Variants in EVC2 observed in about 807,000 individuals in gnomAD.
The protein encoded by EVC2 is limbin.
A neutral mutation model predicts 149.3 loss-of-function variants in EVC2; 148 were observed. That is an observed-to-expected ratio of 0.99 (90% CI 0.87 to 1.14). EVC2 has a LOEUF of 1.14. EVC2 is among the 50% of genes most tolerant of loss of function. The probability of loss-of-function intolerance (pLI) is 0.00; values close to 1 mark genes in which losing one functional copy is unlikely to be tolerated. For missense variants in EVC2, 1,854 were observed against 1,627.3 expected (o/e 1.14, Z -2.40); for synonymous variants, 776 against 649.9 (o/e 1.19, Z -2.95).
At chr4:5,599,038 T>C (rs1190510806) in intron 16 of EVC2, among the ~76,000 whole-genome samples, 1 of 152,012 alleles carries the variant, frequency 6.6e-6, no homozygotes, top group Non-Finnish European at 1.5e-5. Flanking sequence ...CTCACACCAG[T>C]TAGAATGGCA....
chr4:5,686,558 T>A lies in EVC2; in HGVS notation c.707-1079A>T, dbSNP rs7666141. 0.15 allele frequency among the ~76,000 whole-genome samples: 22,483 copies of A among 152,076 alleles called. 1,994 individuals carry two copies. The highest frequency in any genetic ancestry group is 0.25 in the African/African-American group (10,303 of 41,460). On this transcript the variant is annotated intron_variant, in intron 5 of 21. Coordinates refer to ENST00000344408, the MANE Select transcript of EVC2 (RefSeq NM_147127.5). The surrounding 1 kb of genome is among the most constrained non-coding windows in gnomAD (Gnocchi z 5.4). ...GAGATGGATGGAGAACACGTGATTTTCTGCAACATACAGAAGAAGAAACTG... is the reference window on the plus strand; with the variant it reads ...GAGATGGATGGAGAACACGTGATTTACTGCAACATACAGAAGAAGAAACTG...
rs1178469378 is a variant in EVC2, at chr4:5,697,709, TA to T, written c.229-63del. ...CATACTTCTGAGAAGTGATAATAAATAATCTTTGTAAATGACTCACATGGAG... is the reference window on the plus strand; with the variant it reads ...CATACTTCTGAGAAGTGATAATAAATATCTTTGTAAATGACTCACATGGAG... On this transcript the variant is annotated intron_variant, in intron 1 of 21. Transcript: ENST00000344408. 3.6e-5 allele frequency: 52 copies of T among 1,455,174 alleles called. No individual in the cohort carries two copies. In the East Asian group the frequency reaches 6.0e-4, roughly 17 times the overall value. 90.1% of individuals were successfully genotyped at this position (1,455,174 alleles called of 1,614,324 possible).
chr4:5,629,945 C>A (rs963902715), intron 11 of EVC2, among the ~76,000 whole-genome samples: 7 of 152,216 alleles, frequency 4.6e-5, no homozygotes, highest in Admixed American at 2.6e-4. Flanking sequence ...GAGTTACTTT[C>A]TGGCATAATA....
In EVC2 at chr4:5,622,634, C is replaced by G. The variant is rs577020845; in HGVS notation, c.2404G>C (p.Gly802Arg). ...EGEERDRDQE[G>R]VQSVRQRLKD... ...AGTCTCTGCCTCACGCTCTGGACAC[C>G]CTCCTGGTCCCTGTCCCTCTCCTCC... The change falls in exon 14 of 22, where the codon GGT (glycine) becomes CGT (arginine). Residue 802 changes from glycine (G) to arginine (R), a missense_variant. Coordinates refer to ENST00000344408, the MANE Select transcript of EVC2 (RefSeq NM_147127.5). This position sits in a 1 kb window ranked among gnomAD's most constrained non-coding sequence, Gnocchi z 5.8. 6.2e-6 allele frequency: 10 copies of G among 1,614,040 alleles called. No homozygotes were observed. The Admixed American group carries it at 6.7e-5, about 11-fold the overall frequency.
At position 5,576,653 on chromosome 4, in the gene EVC2, G is replaced by A. The variant is rs963471955; in HGVS notation, c.3058-199C>T. Among the ~76,000 whole-genome samples, 11 of 152,138 alleles carry A rather than the reference G, an allele frequency of 7.2e-5. No individual in the cohort carries two copies. Among genetic ancestry groups the A allele is most frequent in the African/African-American group, 2.7e-4 (11 of 41,426 alleles). On this transcript the variant is annotated intron_variant, in intron 17 of 21. Coordinates refer to ENST00000344408, the MANE Select transcript of EVC2 (RefSeq NM_147127.5). This position sits in a 1 kb window ranked among gnomAD's most constrained non-coding sequence, Gnocchi z 4.5. ...TGTGTCACCTCCATGCCTCCACATA[G>A]GCCGTTCCCTCCACCTGCAGTGCCT...
downstream of EVC2, among the ~76,000 whole-genome samples, chr4:5,557,486 A>G (rs1251349675): frequency 6.6e-6 from 1 of 152,196 alleles, no homozygotes; most frequent in African/African-American, 2.4e-5. Flanking sequence ...CTTCCTCTTC[A>G]GATCAAGAAT....
downstream of EVC2, among the ~76,000 whole-genome samples, chr4:5,540,001 G>A (rs1013826822): frequency 6.6e-6 from 1 of 152,108 alleles, no homozygotes; most frequent in Non-Finnish European, 1.5e-5. Flanking sequence ...ATTGTATCTA[G>A]AACATACAAT....
intron 17 of EVC2, among the ~76,000 whole-genome samples, chr4:5,577,206 G>T (rs1268510603): frequency 6.6e-6 from 1 of 152,208 alleles, no homozygotes; most frequent in Non-Finnish European, 1.5e-5. Context: ...CTATTGAGTG[G>T]CAGATCCTGA....
intron 16 of EVC2, among the ~76,000 whole-genome samples, chr4:5,588,381 A>C (rs1400202152): frequency 2.6e-5 from 4 of 152,114 alleles, no homozygotes; most frequent in Non-Finnish European, 5.9e-5. Context: ...ATTTTCCTCA[A>C]GTTTCTTATG....
intron 16 of EVC2, among the ~76,000 whole-genome samples, chr4:5,606,751 G>A (rs1714423575): frequency 1.3e-5 from 2 of 152,176 alleles, no homozygotes; most frequent in African/African-American, 4.8e-5. Flanking sequence ...AAGAAACGAG[G>A]TGTAAGAATT....
intron 16 of EVC2, among the ~76,000 whole-genome samples, chr4:5,612,125 C>T (rs1303605511): frequency 3.3e-5 from 5 of 152,244 alleles, no homozygotes; most frequent in East Asian, 3.9e-4. Context: ...GAAAACAAAC[C>T]GTAACTAATT....
At chr4:5,706,445 G>GATACATACATACATACATAC (rs1291717875) in intron 1 of EVC2, among the ~76,000 whole-genome samples, 1 of 25,766 alleles carries the variant, frequency 3.9e-5, no homozygotes, top group Non-Finnish European at 7.4e-5. Context: ...TAGATAGATA[G>GATACATACATACATACATAC]ATACATACAT....
rs776929675 is a variant in EVC2, at chr4:5,576,293, G to A, written c.3219C>T (p.Val1073=). 4 of 1,614,044 alleles carry A rather than the reference G, an allele frequency of 2.5e-6. No individual in the cohort carries two copies. The highest frequency in any genetic ancestry group is 1.6e-4 in the Middle Eastern group (1 of 6,084). The change falls in exon 18 of 22, where the codon GTC becomes GTT. Residue 1073 remains valine (V), a synonymous_variant. Transcript: ENST00000344408. The surrounding 1 kb of genome is among the most constrained non-coding windows in gnomAD (Gnocchi z 4.5). ...EVDSERQVST[V]LHQALSKSQT... is the part of the protein sequence containing the mutation. ...GGCTCTTGCTCAGGGCTTGGTGCAG[G>A]ACAGTAGAGACCTGCCTTTCAGAAT...
intron 10 of EVC2, among the ~76,000 whole-genome samples, chr4:5,634,868 T>G (rs1716782745): frequency 6.6e-6 from 1 of 151,906 alleles, no homozygotes; most frequent in Non-Finnish European, 1.5e-5. Flanking sequence ...TGGGGCAAAG[T>G]GCAAAGAGCA....
At chr4:5,697,272 T>C (rs1466910802) in intron 2 of EVC2, among the ~76,000 whole-genome samples, 1 of 152,256 alleles carries the variant, frequency 6.6e-6, no homozygotes. Flanking sequence ...AGCCACTGTT[T>C]GTGAACATTT....
intron 19 of EVC2, among the ~76,000 whole-genome samples, chr4:5,571,524 A>G (rs1032789514): frequency 1.3e-5 from 2 of 152,068 alleles, no homozygotes; most frequent in Non-Finnish European, 2.9e-5. Context: ...GGAGAGTGAC[A>G]GAGAGGCCCA....
chr4:5,684,860 C>T (rs915644321), intron 6 of EVC2, among the ~76,000 whole-genome samples: 4 of 152,004 alleles, frequency 2.6e-5, no homozygotes, highest in East Asian at 1.9e-4. Context: ...CTAGGACAGA[C>T]GTGCAGCCAG....
intron 13 of EVC2, among the ~76,000 whole-genome samples, chr4:5,624,188 G>GA (rs1191349099): frequency 3.3e-5 from 5 of 152,058 alleles, no homozygotes; most frequent in East Asian, 3.9e-4. Flanking sequence ...CCCGTGGTGG[G>GA]AAAAAAATTG....
At chr4:5,615,312 G>A in intron 16 of EVC2, 110 bp downstream of exon 16, 2 of 1,558,522 alleles carry the variant, frequency 1.3e-6, no homozygotes, top group East Asian at 4.6e-5. Flanking sequence ...CGGTTGGGTG[G>A]AGATGGATGG....
Sources: gnomAD v4.1 joint callset for allele counts (sites outside exome capture counted in the v4.1 genomes callset) on GRCh38, gnomAD v4.1.1 for gene constraint, Gnocchi (gnomAD v3.1) non-coding constraint, MANE v1.5 for transcripts, NCBI Gene and HGNC (gene_info 2026-07-23, HGNC 2026-07-21) for gene names.